Variants in IL1RAPL2 observed in about 807,000 individuals in gnomAD.
The protein encoded by IL1RAPL2 is interleukin 1 receptor accessory protein like 2.
Under a neutral mutation model 44.1 loss-of-function variants are expected in IL1RAPL2, and 3 were observed. That is an observed-to-expected ratio of 0.07 (90% CI 0.03 to 0.18). The LOEUF (loss-of-function observed/expected upper bound fraction) is 0.18, where lower values mean the gene tolerates loss of function less well. Ranked by LOEUF, IL1RAPL2 falls within the 10% of genes least tolerant of loss-of-function variation. The probability of loss-of-function intolerance (pLI) is 1.00; values close to 1 mark genes in which losing one functional copy is unlikely to be tolerated. For missense variants in IL1RAPL2, 391 were observed against 496.4 expected (o/e 0.79, Z 2.02); for synonymous variants, 181 against 178.8 (o/e 1.01, Z -0.10).
chrX:105,044,414 T>TA (rs979392485), intron 2 of IL1RAPL2, among the ~76,000 whole-genome samples: 119 of 109,685 alleles, frequency 1.1e-3, no homozygotes, highest in Admixed American at 5.2e-3. Context: ...TATAACTCAT[T>TA]AAAAAAAAGA....
At chrX:105,688,023 C>T (rs950326371) in intron 6 of IL1RAPL2, among the ~76,000 whole-genome samples, 2 of 111,633 alleles carry the variant, frequency 1.8e-5, no homozygotes, top group African/African-American at 6.5e-5. Context: ...ATTCAGCAGC[C>T]CTTCATGCTA....
At chrX:105,180,391 G>A (rs1202394791) in intron 2 of IL1RAPL2, among the ~76,000 whole-genome samples, 1 of 111,059 alleles carries the variant, frequency 9.0e-6, no homozygotes, top group African/African-American at 3.3e-5. Context: ...AAAAAAGTGG[G>A]TATCCTTGTC....
chrX:105,102,146 G>GC (rs1357934193), intron 2 of IL1RAPL2, among the ~76,000 whole-genome samples: 1 of 111,537 alleles, frequency 9.0e-6, no homozygotes, highest in Admixed American at 9.6e-5. Context: ...ATTTAGCTGG[G>GC]CCCAAGTTTC....
At chrX:104,901,114 T>C (rs1923800041) in intron 2 of IL1RAPL2, among the ~76,000 whole-genome samples, 2 of 109,622 alleles carry the variant, frequency 1.8e-5, no homozygotes, top group East Asian at 2.9e-4. Flanking sequence ...AATATTAATA[T>C]ACCTCAGTTA....
intron 2 of IL1RAPL2, among the ~76,000 whole-genome samples, chrX:104,673,709 A>G (rs1930672511): frequency 9.1e-6 from 1 of 109,968 alleles, no homozygotes; most frequent in Admixed American, 9.7e-5. Context: ...TTTTCACGAT[A>G]TTGATTCTTC....
intron 1 of IL1RAPL2, among the ~76,000 whole-genome samples, chrX:104,621,520 C>T (rs755057064): frequency 9.2e-6 from 1 of 108,412 alleles, no homozygotes; most frequent in Non-Finnish European, 1.9e-5. Flanking sequence ...CTGCCATACC[C>T]CCAAGCAGAA....
chrX:105,557,592 C>T (rs2036905304), intron 6 of IL1RAPL2, among the ~76,000 whole-genome samples: 2 of 111,143 alleles, frequency 1.8e-5, no homozygotes, highest in South Asian at 7.5e-4. Context: ...AATTCACTTT[C>T]CTTGAAATAG....
At chrX:105,605,791 T>A (rs2037288448) in intron 6 of IL1RAPL2, among the ~76,000 whole-genome samples, 1 of 99,203 alleles carries the variant, frequency 1.0e-5, no homozygotes, top group Admixed American at 1.1e-4. Flanking sequence ...TAGAAGCAAA[T>A]CCATGTATTT....
At chrX:104,643,748 T>C (rs1206725570) in intron 1 of IL1RAPL2, among the ~76,000 whole-genome samples, 1 of 111,372 alleles carries the variant, frequency 9.0e-6, no homozygotes, top group Non-Finnish European at 1.9e-5. Context: ...CAGAGTATTA[T>C]GGTTATTGAT....
At chrX:105,184,346 T>TA (rs1217199842) in intron 2 of IL1RAPL2, among the ~76,000 whole-genome samples, 1 of 110,264 alleles carries the variant, frequency 9.1e-6, no homozygotes, top group Non-Finnish European at 1.9e-5. Context: ...CTTTTTAACT[T>TA]AAAAAAAATT....
chrX:105,537,862 G>A (rs1057479440), intron 6 of IL1RAPL2, among the ~76,000 whole-genome samples: 3 of 109,612 alleles, frequency 2.7e-5, no homozygotes, highest in Non-Finnish European at 3.8e-5. Flanking sequence ...ATCTTTATCT[G>A]CATACATATT....
chrX:105,227,151 G>A (rs1348653445), intron 3 of IL1RAPL2, among the ~76,000 whole-genome samples: 3 of 108,854 alleles, frequency 2.8e-5, no homozygotes, highest in East Asian at 3.0e-4. Context: ...CAGCACACCA[G>A]CATGGCACAT....
intron 2 of IL1RAPL2, among the ~76,000 whole-genome samples, chrX:104,887,377 G>T (rs962248387): frequency 3.6e-5 from 4 of 112,217 alleles, no homozygotes; most frequent in Non-Finnish European, 5.6e-5. Flanking sequence ...TCCTTACTTA[G>T]ACTCGTGGGA....
At chrX:105,006,873 G>A (rs1445753919) in intron 2 of IL1RAPL2, among the ~76,000 whole-genome samples, 1 of 111,435 alleles carries the variant, frequency 9.0e-6, no homozygotes, top group Non-Finnish European at 1.9e-5. Flanking sequence ...CTTGAGATGA[G>A]TGGGTTAGAA....
intron 2 of IL1RAPL2, among the ~76,000 whole-genome samples, chrX:104,796,546 T>C (rs1932850426): frequency 1.8e-5 from 2 of 112,000 alleles, no homozygotes; most frequent in African/African-American, 6.5e-5. Flanking sequence ...CCCTAATCTA[T>C]GCATTGTGCG....
At chrX:105,439,256 T>G (rs1266449060) in intron 5 of IL1RAPL2, among the ~76,000 whole-genome samples, 2 of 111,598 alleles carry the variant, frequency 1.8e-5, no homozygotes, top group African/African-American at 6.5e-5. Context: ...CTTTATCTCT[T>G]CTGACTGTGA....
intron 2 of IL1RAPL2, among the ~76,000 whole-genome samples, chrX:104,763,723 A>G (rs1461760059): frequency 9.0e-6 from 1 of 111,175 alleles, no homozygotes; most frequent in Non-Finnish European, 1.9e-5. Context: ...TAAAACCATC[A>G]TATCTCAGGA....
intron 3 of IL1RAPL2, among the ~76,000 whole-genome samples, chrX:105,200,740 G>A (rs1008507771): frequency 1.8e-5 from 2 of 111,103 alleles, no homozygotes; most frequent in African/African-American, 6.6e-5. Flanking sequence ...GGCGAAACCC[G>A]GTCTCTACTA....
At chrX:105,069,219 CAG>C (rs1272613356) in intron 2 of IL1RAPL2, among the ~76,000 whole-genome samples, 3 of 112,966 alleles carry the variant, frequency 2.7e-5, no homozygotes, top group African/African-American at 9.6e-5. Context: ...AGTGGCAAAT[CAG>C]AGTCATCTGG....
Sources: gnomAD v4.1 joint callset for allele counts (sites outside exome capture counted in the v4.1 genomes callset) on GRCh38, gnomAD v4.1.1 for gene constraint, MANE v1.5 for transcripts, NCBI Gene and HGNC (gene_info 2026-07-23, HGNC 2026-07-21) for gene names.